Variants in PHACTR1 observed in about 807,000 individuals in gnomAD.
The protein encoded by PHACTR1 is phosphatase and actin regulator 1.
A neutral mutation model predicts 69.2 loss-of-function variants in PHACTR1; 16 were observed. The observed-to-expected ratio is 0.23, with a 90% CI of 0.16 to 0.35. The LOEUF is 0.35. Ranked by LOEUF, PHACTR1 falls within the 10% of genes least tolerant of loss-of-function variation. The probability of loss-of-function intolerance (pLI) is 1.00; values close to 1 mark genes in which losing one functional copy is unlikely to be tolerated. For synonymous variants in PHACTR1, 312 were observed against 284.5 expected (o/e 1.10, Z -0.97); for missense variants, 510 against 734.7 (o/e 0.69, Z 3.54).
intron 4 of PHACTR1, among the ~76,000 whole-genome samples, chr6:12,836,316 T>G (rs1308174775): frequency 6.6e-6 from 1 of 152,206 alleles, no homozygotes; most frequent in Non-Finnish European, 1.5e-5. Context: ...GAATAAGATT[T>G]TCTTTTTCCA....
intron 4 of PHACTR1, among the ~76,000 whole-genome samples, chr6:12,981,352 G>A (rs1221432801): frequency 6.6e-6 from 1 of 152,172 alleles, no homozygotes; most frequent in Non-Finnish European, 1.5e-5. Context: ...CCAGCCAAAT[G>A]TCTTGTTACT....
chr6:12,901,209 C>A (rs9369640), intron 4 of PHACTR1, among the ~76,000 whole-genome samples: 86,037 of 151,940 alleles, frequency 0.57, 26,121 homozygotes, highest in East Asian at 0.96. Flanking sequence ...TTTTCTGCTT[C>A]TAACAGTGAT....
intron 4 of PHACTR1, among the ~76,000 whole-genome samples, chr6:12,888,175 G>T (rs1783830702): frequency 6.6e-6 from 1 of 151,960 alleles, no homozygotes; most frequent in Admixed American, 6.6e-5. Context: ...TTAGAATGGG[G>T]CTGGAAGGAA....
chr6:13,075,579 G>T (rs1368397613), intron 5 of PHACTR1, among the ~76,000 whole-genome samples: 4 of 152,162 alleles, frequency 2.6e-5, no homozygotes, highest in Non-Finnish European at 2.9e-5. Context: ...TGCAGAATTT[G>T]CTCAGCTTTC....
intron 5 of PHACTR1, 110 bp downstream of exon 5, chr6:13,053,639 T>G: frequency 7.5e-7 from 1 of 1,328,634 alleles, no homozygotes; most frequent in Admixed American, 2.6e-5. Flanking sequence ...AGAAAAAATA[T>G]CAAGCCTTGG....
At chr6:13,040,589 C>A (rs1490426653) in intron 4 of PHACTR1, among the ~76,000 whole-genome samples, 1 of 152,108 alleles carries the variant, frequency 6.6e-6, no homozygotes, top group Non-Finnish European at 1.5e-5. Context: ...ATTGGATAGT[C>A]ATTAGCTGCT....
intron 4 of PHACTR1, among the ~76,000 whole-genome samples, chr6:13,051,188 A>G: frequency 6.6e-6 from 1 of 151,860 alleles, no homozygotes; most frequent in East Asian, 1.9e-4. Context: ...CCCCAAAGCA[A>G]GTATCTTCTG....
intron 7 of PHACTR1, chr6:13,184,923 C>A (rs769354173): frequency 7.3e-7 from 1 of 1,366,574 alleles, no homozygotes. Context: ...ATGAAGAGAC[C>A]CCAGTGAAGC....
intron 7 of PHACTR1, among the ~76,000 whole-genome samples, chr6:13,199,629 T>C (rs1764934311): frequency 6.6e-6 from 1 of 152,148 alleles, no homozygotes; most frequent in African/African-American, 2.4e-5. Context: ...ATCAACTATG[T>C]AGGAAAAGCT....
intron 4 of PHACTR1, among the ~76,000 whole-genome samples, chr6:12,819,219 C>T (rs551074141): frequency 4.6e-5 from 7 of 152,196 alleles, no homozygotes; most frequent in Admixed American, 3.3e-4. Context: ...TGGGGCTTCT[C>T]GTTTAATATC....
chr6:13,147,149 C>T (rs1014594991), intron 5 of PHACTR1, among the ~76,000 whole-genome samples: 5 of 152,172 alleles, frequency 3.3e-5, no homozygotes, highest in African/African-American at 1.2e-4. Context: ...TTAGTTTTAT[C>T]AAGTCATGTT....
intron 4 of PHACTR1, among the ~76,000 whole-genome samples, chr6:12,887,866 C>T (rs1285055628): frequency 2.6e-5 from 4 of 151,454 alleles, no homozygotes; most frequent in African/African-American, 7.3e-5. Context: ...CTCAGGAGTT[C>T]GAGACCGGCC....
chr6:12,747,883 C>G (rs149416460), intron 3 of PHACTR1, among the ~76,000 whole-genome samples: 5 of 152,150 alleles, frequency 3.3e-5, no homozygotes, highest in African/African-American at 1.2e-4. Flanking sequence ...TTGTAGAGGG[C>G]TCTTAATGCC....
chr6:12,884,923 TAGG>T (rs1271965680), intron 4 of PHACTR1, among the ~76,000 whole-genome samples: 4 of 152,232 alleles, frequency 2.6e-5, no homozygotes, highest in African/African-American at 9.6e-5. Context: ...CTTACTTTAA[TAGG>T]AGAGCTGGAT....
chr6:13,274,960 C>T (rs1219627089), intron 11 of PHACTR1: 1 of 151,968 alleles, frequency 6.6e-6, no homozygotes, highest in Non-Finnish European at 1.5e-5. Context: ...TCTTATTTTT[C>T]CCTGTATTCT....
intron 5 of PHACTR1, among the ~76,000 whole-genome samples, chr6:13,120,470 G>A (rs774164367): frequency 7.2e-5 from 11 of 152,208 alleles, no homozygotes; most frequent in African/African-American, 2.7e-4. Flanking sequence ...GCTGACTGTC[G>A]AAGCACGCTG....
Position 12,965,779 on chromosome 6 carries a change from C to T in PHACTR1, c.251-87586C>T, listed in dbSNP as rs1793406380. ...TGCATTTCCTCCAGTAACAATGTTT[C>T]AGTATTCACTACTTCAGTGTTCACA... is the stretch of plus-strand genomic sequence containing the variant. On this transcript the variant is annotated intron_variant, in intron 4 of 14. Transcript: ENST00000332995. Among the ~76,000 whole-genome samples the T allele has an allele frequency of 2.0e-5, 3 of 152,168 alleles. No homozygotes were observed. The South Asian group carries it at 6.2e-4, about 32-fold the overall frequency.
At chr6:13,022,034 G>A (rs1438922772) in intron 4 of PHACTR1, among the ~76,000 whole-genome samples, 2 of 152,190 alleles carry the variant, frequency 1.3e-5, no homozygotes. Flanking sequence ...CCCACCTTCG[G>A]GCAATCAAGC....
At chr6:12,732,932 T>C (rs1398617669) in intron 3 of PHACTR1, among the ~76,000 whole-genome samples, 2 of 152,254 alleles carry the variant, frequency 1.3e-5, no homozygotes. Context: ...CATTATTTAC[T>C]AGACAGAGTC....
Sources: allele counts gnomAD v4.1 joint callset (sites outside exome capture counted in the v4.1 genomes callset), GRCh38; gene constraint gnomAD v4.1.1; transcripts MANE v1.5; gene names NCBI Gene and HGNC (gene_info 2026-07-23, HGNC 2026-07-21).